The following ZNF438 variants were observed in gnomAD, a reference collection of about 807,000 sequenced individuals.
ZNF438 encodes the protein zinc finger protein 438.
A neutral mutation model predicts 38.0 loss-of-function variants in ZNF438; 25 were observed. That is an observed-to-expected ratio of 0.66 (90% CI 0.48 to 0.92). The LOEUF (loss-of-function observed/expected upper bound fraction) is 0.92, where lower values mean the gene tolerates loss of function less well. ZNF438 is among the 40% of genes least tolerant of loss of function. ZNF438 has a pLI of 0.00. For synonymous variants in ZNF438, 372 were observed against 364.1 expected (o/e 1.02, Z -0.25); for missense variants, 1,007 against 999.6 (o/e 1.01, Z -0.10).
intron 4 of ZNF438, among the ~76,000 whole-genome samples, chr10:30,872,115 G>A (rs1005277528): frequency 1.3e-5 from 2 of 152,028 alleles, no homozygotes; most frequent in African/African-American, 4.8e-5. Context: ...GAGAGACTCG[G>A]CCAGGCACGG....
At chr10:31,013,526 G>A (rs374661893) in intron 1 of ZNF438, among the ~76,000 whole-genome samples, 2 of 152,126 alleles carry the variant, frequency 1.3e-5, no homozygotes, top group East Asian at 3.9e-4. Flanking sequence ...CAAAAGAGGG[G>A]TTATTAGGTC....
intron 1 of ZNF438, among the ~76,000 whole-genome samples, chr10:30,997,933 A>T (rs1401945102): frequency 6.6e-6 from 1 of 152,222 alleles, no homozygotes; most frequent in Non-Finnish European, 1.5e-5. Flanking sequence ...TGATGATAAG[A>T]GTTAGCTGCT....
At chr10:31,021,855 T>G (rs1010712945) in intron 1 of ZNF438, among the ~76,000 whole-genome samples, 2 of 152,134 alleles carry the variant, frequency 1.3e-5, no homozygotes, top group Non-Finnish European at 2.9e-5. Flanking sequence ...CCATCAGAAG[T>G]TGACAAATGA....
chr10:30,896,407 A>G (rs2041356449), intron 3 of ZNF438, among the ~76,000 whole-genome samples: 2 of 152,162 alleles, frequency 1.3e-5, no homozygotes. Flanking sequence ...AAACAACTCA[A>G]CTGCCCATTG....
chr10:30,936,739 C>T (rs749203821), intron 2 of ZNF438, among the ~76,000 whole-genome samples: 34 of 152,078 alleles, frequency 2.2e-4, no homozygotes, highest in Non-Finnish European at 4.6e-4. Context: ...TTGTCATGGA[C>T]GAAGACCATG....
At chr10:30,937,231 A>G (rs2046348770) in intron 2 of ZNF438, among the ~76,000 whole-genome samples, 1 of 152,244 alleles carries the variant, frequency 6.6e-6, no homozygotes, top group Non-Finnish European at 1.5e-5. Context: ...ATAAATTCAG[A>G]GTAAGAACAG....
intron 4 of ZNF438, among the ~76,000 whole-genome samples, chr10:30,867,038 A>C (rs1412269693): frequency 6.6e-6 from 1 of 152,204 alleles, no homozygotes; most frequent in Non-Finnish European, 1.5e-5. Flanking sequence ...AAGTACATGG[A>C]CAGGGTTTCA....
chr10:30,862,360 G>C (rs1449982603), intron 4 of ZNF438, among the ~76,000 whole-genome samples: 1 of 152,026 alleles, frequency 6.6e-6, no homozygotes, highest in African/African-American at 2.4e-5. Flanking sequence ...GGAGGGCAAT[G>C]GTATGATCAT....
At chr10:30,970,987 T>C (rs1589494856) in intron 1 of ZNF438, among the ~76,000 whole-genome samples, 1 of 152,204 alleles carries the variant, frequency 6.6e-6, no homozygotes, top group East Asian at 1.9e-4. Flanking sequence ...CACCCGACTC[T>C]GGGGACTTGG....
At chr10:30,857,563 C>A (rs1294890902) in intron 4 of ZNF438, 4 of 846,672 alleles carry the variant, frequency 4.7e-6, no homozygotes, top group Non-Finnish European at 7.1e-6. Context: ...CCTAAAATTT[C>A]TATTACCATT....
At chr10:30,929,128 T>A (rs2045315323) in intron 2 of ZNF438, among the ~76,000 whole-genome samples, 1 of 152,190 alleles carries the variant, frequency 6.6e-6, no homozygotes, top group Admixed American at 6.5e-5. Context: ...CACAGTGGCT[T>A]ATGCCTGCAA....
chr10:30,987,395 TC>T (rs1399614943), intron 1 of ZNF438, among the ~76,000 whole-genome samples: 1 of 151,776 alleles, frequency 6.6e-6, no homozygotes, highest in Non-Finnish European at 1.5e-5. Flanking sequence ...AGCATGATAG[TC>T]CATGTTTTCT....
chr10:30,997,651 C>T (rs774408080), intron 1 of ZNF438, among the ~76,000 whole-genome samples: 4 of 151,688 alleles, frequency 2.6e-5, no homozygotes, highest in Admixed American at 6.6e-5. Flanking sequence ...ACAGGACTTC[C>T]GTACCCCTCA....
At chr10:30,945,195 C>T (rs1471051683) in intron 1 of ZNF438, among the ~76,000 whole-genome samples, 1 of 151,816 alleles carries the variant, frequency 6.6e-6, no homozygotes, top group Non-Finnish European at 1.5e-5. Flanking sequence ...TTTTAAGGCT[C>T]TGTTAGTATC....
exon 1 of ZNF438, chr10:31,031,890 G>A (rs2057321151): frequency 1.3e-5 from 2 of 152,616 alleles, no homozygotes; most frequent in African/African-American, 4.8e-5. Flanking sequence ...AGCAGTCGGG[G>A]AGGTCAAGCC....
intron 1 of ZNF438, among the ~76,000 whole-genome samples, chr10:30,968,349 T>C (rs955420410): frequency 2.0e-5 from 3 of 151,420 alleles, no homozygotes; most frequent in African/African-American, 7.3e-5. Flanking sequence ...AAATCAGAAA[T>C]TCCTACTCCA....
chr10:31,001,947 CTGAG>C (rs1417024509), intron 1 of ZNF438, among the ~76,000 whole-genome samples: 6 of 152,128 alleles, frequency 3.9e-5, no homozygotes, highest in African/African-American at 1.4e-4. Flanking sequence ...ATTGGCAGGG[CTGAG>C]TAAGAAGGGA....
chr10:30,917,864 AG>A (rs1377143110), intron 2 of ZNF438, among the ~76,000 whole-genome samples: 1 of 152,116 alleles, frequency 6.6e-6, no homozygotes, highest in Non-Finnish European at 1.5e-5. Flanking sequence ...CTACATCCTA[AG>A]AAATCTTTGC....
intron 1 of ZNF438, among the ~76,000 whole-genome samples, chr10:30,993,617 G>A (rs895486364): frequency 6.6e-6 from 1 of 152,266 alleles, no homozygotes; most frequent in African/African-American, 2.4e-5. Context: ...ACTCATTGCT[G>A]AGAGCCCCTC....
Sources: gnomAD v4.1 joint callset for allele counts (sites outside exome capture counted in the v4.1 genomes callset) on GRCh38, gnomAD v4.1.1 for gene constraint, MANE v1.5 for transcripts, NCBI Gene and HGNC (gene_info 2026-07-23, HGNC 2026-07-21) for gene names.